Variants in ZPBP observed in about 807,000 individuals in gnomAD.
ZPBP encodes zona pellucida-binding protein 1.
Under a neutral mutation model 44.8 loss-of-function variants are expected in ZPBP, and 26 were observed. That is an observed-to-expected ratio of 0.58 (90% confidence interval 0.43 to 0.81). The LOEUF is 0.81. Among genes scored for constraint, ZPBP ranks in the 30% least tolerant of loss-of-function variants. The probability of loss-of-function intolerance (pLI) is 0.00; values close to 1 mark genes in which losing one functional copy is unlikely to be tolerated. For missense variants in ZPBP, 409 were observed against 434.0 expected (o/e 0.94, Z 0.51); for synonymous variants, 174 against 153.2 (o/e 1.14, Z -1.00).
intron 7 of ZPBP, among the ~76,000 whole-genome samples, chr7:49,969,400 CA>C (rs1172740825): frequency 2.7e-5 from 4 of 148,524 alleles, no homozygotes; most frequent in Non-Finnish European, 4.5e-5. Context: ...AAAACTGACA[CA>C]AAATATACAA....
intron 7 of ZPBP, among the ~76,000 whole-genome samples, chr7:49,946,755 TTC>T (rs1418816026): frequency 1.3e-5 from 2 of 152,146 alleles, no homozygotes; most frequent in Non-Finnish European, 2.9e-5. Flanking sequence ...GTTTGGAAAC[TTC>T]TCTGTTACCA....
intron 7 of ZPBP, among the ~76,000 whole-genome samples, chr7:49,981,263 T>A: frequency 1.3e-5 from 1 of 78,724 alleles, no homozygotes; most frequent in Non-Finnish European, 2.5e-5. Flanking sequence ...ATATATAATA[T>A]AGATCAGATA....
chr7:49,870,628 A>G (rs1160666303), intron 2 of ZPBP, among the ~76,000 whole-genome samples: 3 of 152,204 alleles, frequency 2.0e-5, no homozygotes, highest in Non-Finnish European at 4.4e-5. Flanking sequence ...AGCTGAGGCT[A>G]TAGCTCACAT....
rs183509631 is a variant in ZPBP at position 50,000,258 on chromosome 7, G to A, written c.784-16739C>T. Among the ~76,000 whole-genome samples, 565 of 152,150 alleles carry A rather than the reference G, an allele frequency of 3.7e-3. 3 individuals are homozygous for A. The highest frequency in any genetic ancestry group is 6.1e-3 in the Non-Finnish European group (418 of 67,986). ...CTGTCAATAAATAAGAATCAAATAT[G>A]TTTTGTGATGATTTCTCATTCCCAA... On this transcript the variant is annotated intron_variant, in intron 6 of 7. Transcript: ENST00000046087.
At chr7:50,004,812 A>G (rs865884775) in intron 6 of ZPBP, among the ~76,000 whole-genome samples, 5 of 152,236 alleles carry the variant, frequency 3.3e-5, no homozygotes, top group Middle Eastern at 3.4e-3. Flanking sequence ...GTGAGATACC[A>G]TATCAAGTTG....
chr7:49,895,990 G>A (rs1289695985), intron 2 of ZPBP, among the ~76,000 whole-genome samples: 3 of 152,018 alleles, frequency 2.0e-5, no homozygotes, highest in Admixed American at 6.6e-5. Context: ...ATTTTCCCAA[G>A]ATTCTTAGTA....
chr7:50,046,453 A>C (rs1800365979), intron 4 of ZPBP, among the ~76,000 whole-genome samples: 3 of 150,680 alleles, frequency 2.0e-5, no homozygotes, highest in South Asian at 4.2e-4. Context: ...ATTTACAAGA[A>C]AAAAAAAATG....
chr7:49,843,371 A>G, the ZPBP span, among the ~76,000 whole-genome samples: 279 of 152,320 alleles, frequency 1.8e-3, 1 homozygote, highest in African/African-American at 6.5e-3. Flanking sequence ...AAGAGGAGAC[A>G]CAGCTCAGTG....
chr7:49,975,153 C>T (rs1796451128), intron 7 of ZPBP, among the ~76,000 whole-genome samples: 2 of 152,128 alleles, frequency 1.3e-5, no homozygotes, highest in Admixed American at 6.5e-5. Context: ...GGGTGTCATA[C>T]TCATCTGTCA....
At chr7:49,941,218 A>G (rs769865081) in intron 7 of ZPBP, among the ~76,000 whole-genome samples, 8 of 152,170 alleles carry the variant, frequency 5.3e-5, no homozygotes, top group Non-Finnish European at 8.8e-5. Context: ...AGCTACTATG[A>G]AAAACAATAC....
intron 7 of ZPBP, among the ~76,000 whole-genome samples, chr7:49,947,592 G>A (rs1458095750): frequency 6.6e-6 from 1 of 152,156 alleles, no homozygotes; most frequent in Non-Finnish European, 1.5e-5. Context: ...GAGCTGACTG[G>A]AACAAGAGGA....
intron 5 of ZPBP, among the ~76,000 whole-genome samples, chr7:50,029,845 CTGTTGT>C (rs140686848): frequency 0.49 from 71,429 of 147,178 alleles, 17,233 homozygotes; most frequent in East Asian, 0.67. Flanking sequence ...GTTGTTGTTG[CTGTTGT>C]TGTTGTTGTT....
At chr7:49,921,737 T>C (rs1257959923) in intron 1 of ZPBP, 1 of 151,990 alleles carries the variant, frequency 6.6e-6, no homozygotes, top group Admixed American at 6.5e-5. Flanking sequence ...TTAGTGCTCA[T>C]TTGAAAAATA....
chr7:50,069,498 G>A (rs555071207), intron 3 of ZPBP, among the ~76,000 whole-genome samples: 1 of 152,212 alleles, frequency 6.6e-6, no homozygotes, highest in East Asian at 1.9e-4. Context: ...GAATGCCTTG[G>A]ATGTCCTCCA....
chr7:49,874,185 C>A (rs1791298754), intron 2 of ZPBP, among the ~76,000 whole-genome samples: 1 of 151,692 alleles, frequency 6.6e-6, no homozygotes, highest in African/African-American at 2.4e-5. Flanking sequence ...CACACCCACA[C>A]ACACACACAC....
intron 2 of ZPBP, among the ~76,000 whole-genome samples, chr7:49,876,879 TAAAAC>T (rs1293644313): frequency 6.6e-6 from 1 of 152,124 alleles, no homozygotes; most frequent in African/African-American, 2.4e-5. Flanking sequence ...CGAGATGACT[TAAAAC>T]AAAGTCTAAA....
downstream of ZPBP, among the ~76,000 whole-genome samples, chr7:49,932,889 T>G (rs539161593): frequency 6.6e-6 from 1 of 152,022 alleles, no homozygotes; most frequent in East Asian, 1.9e-4. Context: ...TAAATGGGAG[T>G]TCCCCTGCTC....
intron 2 of ZPBP, among the ~76,000 whole-genome samples, chr7:49,856,038 A>G (rs1005497913): frequency 2.0e-5 from 3 of 152,182 alleles, no homozygotes; most frequent in Admixed American, 1.3e-4. Flanking sequence ...TAGTTCAGGT[A>G]TATAAGGCTG....
rs146692002 is a variant in ZPBP, at chr7:50,015,331, G to A, written c.783+2909C>T. Among the ~76,000 whole-genome samples, 31 of 152,166 alleles carry A rather than the reference G, an allele frequency of 2.0e-4. No individual in the cohort carries two copies. The East Asian group carries it at 6.0e-3, about 29-fold the overall frequency. ...TTGGAAGCTTTAAAAATTATTTTGT[G>A]TTTCTATATAAAGCATAGTGATAAA... is the stretch of plus-strand genomic sequence containing the variant. On this transcript the variant is annotated intron_variant, in intron 6 of 7. Transcript: ENST00000046087.
Sources: gnomAD v4.1 joint callset for allele counts (sites outside exome capture counted in the v4.1 genomes callset) on GRCh38, gnomAD v4.1.1 for gene constraint, MANE v1.5 for transcripts, NCBI Gene and HGNC (gene_info 2026-07-23, HGNC 2026-07-21) for gene names.